Variants in KREMEN1 observed in about 807,000 individuals in gnomAD.
The protein encoded by KREMEN1 is kremen protein 1.
Under a neutral mutation model 46.5 loss-of-function variants are expected in KREMEN1, and 30 were observed. That is an observed-to-expected ratio of 0.65 (90% CI 0.48 to 0.88). The LOEUF is 0.88. KREMEN1 is among the 40% of genes least tolerant of loss of function. The pLI is 0.00. For synonymous variants in KREMEN1, 214 were observed against 230.6 expected, an observed-to-expected ratio of 0.93 and a Z score of 0.65; for missense variants, 533 against 596.9, an observed-to-expected ratio of 0.89 and a Z score of 1.11.
intron 9 of KREMEN1, among the ~76,000 whole-genome samples, chr22:29,152,274 A>G (rs132286): frequency 0.92 from 140,034 of 152,188 alleles, 64,561 homozygotes; most frequent in East Asian, 1. Context: ...CTAACCCCCT[A>G]CAAGCGGCTC....
intron 7 of KREMEN1, 72 bp from the exon 8 acceptor site, chr22:29,140,210 G>A (rs1405188213): frequency 1.7e-6 from 2 of 1,173,500 alleles, no homozygotes; most frequent in Non-Finnish European, 2.6e-6. Context: ...ACTCACTTGG[G>A]TATTCCAGCC....
Position 29,073,187 on chromosome 22 carries a change from G to C in KREMEN1, c.57G>C (p.Ala19=). The part of the protein sequence containing the change: ...ALLSAAALTL[A]ARPAPSPGLG... ...TCTCCGCCGCGGCGCTCACGCTGGC[G>C]GCCCGGCCCGCGCCTAGCCCCGGCC... Residue 19 remains alanine, a synonymous_variant, in exon 1 of 9, where the codon GCG becomes GCC. Transcript: ENST00000400335. The surrounding 1 kb of genome is among the most constrained non-coding windows in gnomAD (Gnocchi z 4.4). 3 of 1,187,604 alleles carry C rather than the reference G, an allele frequency of 2.5e-6. No individual in the cohort carries two copies. The highest frequency in any genetic ancestry group is 3.4e-4 in the Middle Eastern group (1 of 2,902). 73.6% of individuals were successfully genotyped at this position (1,187,604 alleles called of 1,614,324 possible).
At chr22:29,158,469 G>T (rs1371843367) in intron 9 of KREMEN1, among the ~76,000 whole-genome samples, 1 of 152,192 alleles carries the variant, frequency 6.6e-6, no homozygotes, top group Non-Finnish European at 1.5e-5. Context: ...GGGAAACTGG[G>T]CCTGGAGGGC....
intron 5 of KREMEN1, among the ~76,000 whole-genome samples, chr22:29,131,530 A>ATGTG (rs1277773463): frequency 6.3e-3 from 73 of 11,630 alleles, no homozygotes; most frequent in African/African-American, 0.012. Context: ...GTTCATATAT[A>ATGTG]TATATATATA....
chr22:29,106,387 A>ATT (rs139062787), intron 3 of KREMEN1, among the ~76,000 whole-genome samples: 40 of 140,686 alleles, frequency 2.8e-4, no homozygotes, highest in East Asian at 8.3e-4. Context: ...CGCCCAGCTA[A>ATT]TTTTTTTTTT....
In KREMEN1 at chr22:29,142,152, C is replaced by T. The variant is rs1408196447; in HGVS notation, c.*40C>T. 1 of 1,503,454 alleles carries T rather than the reference C, an allele frequency of 6.7e-7. No individual in the cohort carries two copies. The highest frequency in any genetic ancestry group is 1.4e-5 in the South Asian group (1 of 73,216). The allele number at this position is 1,503,454 out of a possible 1,614,324, so 93.1% of individuals were successfully genotyped here. A position where few individuals can be genotyped will look rare whatever the true frequency, so the allele number is the denominator to read the frequency against. ...CTAGGACTTGAGGTCCCTCTTTGAG[C>T]TCAAGGCTGCCGTGGTCAACCTCTC... On this transcript the variant is annotated 3_prime_UTR_variant, in exon 9 of 9. Coordinates refer to ENST00000400335, the MANE Select transcript of KREMEN1 (RefSeq NM_001039570.3).
At chr22:29,086,040 T>TTA (rs134634) in intron 1 of KREMEN1, among the ~76,000 whole-genome samples, 2 of 150,654 alleles carry the variant, frequency 1.3e-5, no homozygotes, top group African/African-American at 2.4e-5. Flanking sequence ...TTTTTTTTTT[T>TTA]AACCATATAA....
chr22:29,141,190 C>T (rs991389692), intron 8 of KREMEN1, among the ~76,000 whole-genome samples: 1 of 152,116 alleles, frequency 6.6e-6, no homozygotes, highest in African/African-American at 2.4e-5. Flanking sequence ...GACACCTCCA[C>T]CCTACACTTG....
rs191598615 is a variant in KREMEN1, at chr22:29,074,575, G to T, written c.97+1348G>T. Among the ~76,000 whole-genome samples the T allele has an allele frequency of 2.6e-5, 4 of 152,358 alleles. No individual in the cohort carries two copies. In the East Asian group the frequency reaches 7.7e-4, roughly 29 times the overall value. ...TCTCTGCAGGCTGTTTGGGTGTTGA[G>T]CATAGGCCATTTGTGAAAGGGATGG... is the stretch of plus-strand genomic sequence containing the variant. On this transcript the variant is annotated intron_variant, in intron 1 of 8. Coordinates refer to ENST00000400335, the MANE Select transcript of KREMEN1 (RefSeq NM_001039570.3).
At chr22:29,077,151 CT>C (rs2037585670) in intron 1 of KREMEN1, among the ~76,000 whole-genome samples, 1 of 152,112 alleles carries the variant, frequency 6.6e-6, no homozygotes, top group Admixed American at 6.5e-5. Context: ...GAAATGTCAA[CT>C]GATAATCTAG....
At chr22:29,083,102 T>A (rs134622) in intron 1 of KREMEN1, among the ~76,000 whole-genome samples, 5 of 151,982 alleles carry the variant, frequency 3.3e-5, no homozygotes, top group East Asian at 1.9e-4. Context: ...TAGAGACAGC[T>A]TTTCGCTATG....
At chr22:29,105,607 G>A (rs2038048092) in intron 3 of KREMEN1, among the ~76,000 whole-genome samples, 1 of 152,112 alleles carries the variant, frequency 6.6e-6, no homozygotes, top group Non-Finnish European at 1.5e-5. Flanking sequence ...AGGGCTAGAT[G>A]ATGTCAGGTC....
exon 10 of KREMEN1, chr22:29,167,183 T>C: frequency 2.6e-6 from 3 of 1,168,350 alleles, no homozygotes; most frequent in Non-Finnish European, 3.8e-6. Context: ...TCATTGCCTC[T>C]CCTCGCACAG....
chr22:29,100,194 C>T (rs2037954148), intron 3 of KREMEN1, among the ~76,000 whole-genome samples: 1 of 151,618 alleles, frequency 6.6e-6, no homozygotes, highest in Non-Finnish European at 1.5e-5. Context: ...CGGCTCACTG[C>T]AACCTCCGCC....
At chr22:29,126,666 A>G (rs1428514114) in intron 5 of KREMEN1, among the ~76,000 whole-genome samples, 2 of 152,300 alleles carry the variant, frequency 1.3e-5, no homozygotes, top group South Asian at 2.1e-4. Flanking sequence ...CAATTCAGCC[A>G]CTATATATAT....
intron 5 of KREMEN1, among the ~76,000 whole-genome samples, chr22:29,125,767 T>C (rs2038432431): frequency 6.6e-6 from 1 of 152,176 alleles, no homozygotes; most frequent in Non-Finnish European, 1.5e-5. Flanking sequence ...TGCTTTAATA[T>C]AATTTCCAAA....
At chr22:29,157,206 T>C (rs1161113714) in intron 9 of KREMEN1, among the ~76,000 whole-genome samples, 1 of 152,232 alleles carries the variant, frequency 6.6e-6, no homozygotes, top group East Asian at 1.9e-4. Context: ...CCCTTGGATG[T>C]AGCCAGAGAC....
Position 29,143,451 on chromosome 22 carries a change from A to T in KREMEN1, c.*1339A>T. On this transcript the variant is annotated 3_prime_UTR_variant, in exon 9 of 9. Coordinates refer to ENST00000400335, the MANE Select transcript of KREMEN1 (RefSeq NM_001039570.3). ...TGTCCCCCGTGTTAAAAGATAAAAA[A>T]CACCCCAAGGGCCGGGCGCGGTGGC... is the stretch of plus-strand genomic sequence containing the variant. The T allele has an allele frequency of 2.0e-6, 2 of 985,238 alleles. No individual in the cohort carries two copies. The highest frequency in any genetic ancestry group is 2.4e-6 in the Non-Finnish European group (2 of 829,958). The allele number at this position is 985,238 out of a possible 1,614,324, so 61.0% of individuals were successfully genotyped here.
intron 4 of KREMEN1, among the ~76,000 whole-genome samples, chr22:29,123,016 T>C (rs995298258): frequency 1.3e-5 from 2 of 149,338 alleles, no homozygotes; most frequent in African/African-American, 4.9e-5. Context: ...AGTAGGCTAA[T>C]TGAAAGAACT....
Sources: allele counts gnomAD v4.1 joint callset (sites outside exome capture counted in the v4.1 genomes callset), GRCh38; gene constraint gnomAD v4.1.1; non-coding constraint Gnocchi (gnomAD v3.1); transcripts MANE v1.5; gene names NCBI Gene and HGNC (gene_info 2026-07-23, HGNC 2026-07-21).